The following RTL4 variants were observed in gnomAD, a reference collection of about 807,000 sequenced individuals.
RTL4 encodes retrotransposon Gag-like protein 4.
Under a neutral mutation model 5.3 loss-of-function variants are expected in RTL4, and 4 were observed. The ratio of observed to expected loss-of-function variants is 0.75; its 90% CI spans 0.37 to 1.72. RTL4 has a LOEUF of 1.72. Among genes scored for constraint, RTL4 ranks in the 40% most tolerant of loss-of-function variants. The pLI, the probability that RTL4 is intolerant of heterozygous loss-of-function variation, is 0.04. For missense variants in RTL4, 260 were observed against 227.1 expected (o/e 1.14, Z -0.93); for synonymous variants, 98 against 87.3 (o/e 1.12, Z -0.68).
exon 1 of RTL4, chrX:112,456,444 T>C (rs1219716080): frequency 1.3e-5 from 4 of 307,548 alleles, no homozygotes; most frequent in Non-Finnish European, 2.4e-5. Flanking sequence ...TTCCAACTTA[T>C]TCCTCTCTTC....
chrX:112,167,871 G>A, the RTL4 span, among the ~76,000 whole-genome samples: 77 of 107,796 alleles, frequency 7.1e-4, no homozygotes, highest in Non-Finnish European at 1.3e-3. Context: ...ATACAGAAAG[G>A]CCAAAAGAAA....
At chrX:112,247,292 C>G in the RTL4 span, among the ~76,000 whole-genome samples, 7 of 111,376 alleles carry the variant, frequency 6.3e-5, 1 homozygote, top group Admixed American at 1.9e-4. Flanking sequence ...ATAGTCATTC[C>G]CTATTCCCAT....
the RTL4 span, among the ~76,000 whole-genome samples, chrX:112,308,600 C>G: frequency 2.2e-4 from 25 of 111,666 alleles, no homozygotes; most frequent in African/African-American, 7.8e-4. Context: ...CCAGACATAT[C>G]TTTCTGGTCA....
the RTL4 span, among the ~76,000 whole-genome samples, chrX:112,224,519 T>C: frequency 9.2e-6 from 1 of 108,878 alleles, no homozygotes; most frequent in African/African-American, 3.3e-5. Flanking sequence ...TTTTTGTATT[T>C]TCAGTAGAGA....
chrX:112,298,034 G>C, the RTL4 span, among the ~76,000 whole-genome samples: 1 of 111,523 alleles, frequency 9.0e-6, no homozygotes, highest in Non-Finnish European at 1.9e-5. Flanking sequence ...TTGGCTGGCT[G>C]GTTGGGTAGA....
chrX:112,329,689 T>G, the RTL4 span, among the ~76,000 whole-genome samples: 10 of 110,789 alleles, frequency 9.0e-5, no homozygotes, highest in South Asian at 3.9e-4. Flanking sequence ...TACCAAAGCC[T>G]GGCAGAGACA....
chrX:112,359,122 T>A, the RTL4 span, among the ~76,000 whole-genome samples: 1 of 111,512 alleles, frequency 9.0e-6, no homozygotes, highest in Non-Finnish European at 1.9e-5. Flanking sequence ...ATATGTTTTT[T>A]AAAAAATCTA....
the RTL4 span, among the ~76,000 whole-genome samples, chrX:112,154,253 C>A: frequency 1.8e-5 from 2 of 111,382 alleles, no homozygotes; most frequent in Non-Finnish European, 3.8e-5. Flanking sequence ...TCCTTTAGTT[C>A]TCTATACCTG....
chrX:112,390,889 T>C, the RTL4 span, among the ~76,000 whole-genome samples: 42 of 112,553 alleles, frequency 3.7e-4, no homozygotes, highest in South Asian at 1.5e-3. Flanking sequence ...GAAGTTTTCA[T>C]GGACAATATC....
the RTL4 span, among the ~76,000 whole-genome samples, chrX:112,409,000 G>A: frequency 1.8e-5 from 2 of 112,341 alleles, no homozygotes; most frequent in African/African-American, 3.2e-5. Flanking sequence ...ATCAACACCA[G>A]ATATTACCTA....
the RTL4 span, among the ~76,000 whole-genome samples, chrX:112,330,472 G>T: frequency 9.0e-6 from 1 of 110,526 alleles, no homozygotes; most frequent in Non-Finnish European, 1.9e-5. Flanking sequence ...CCTCTTCAGG[G>T]AGAACTACAA....
chrX:112,187,858 A>G, the RTL4 span, among the ~76,000 whole-genome samples: 174 of 111,974 alleles, frequency 1.6e-3, no homozygotes, highest in African/African-American at 5.2e-3. Context: ...ATTTGAAACC[A>G]TAGAAAATGA....
chrX:112,385,505 A>G, the RTL4 span, among the ~76,000 whole-genome samples: 193 of 111,764 alleles, frequency 1.7e-3, no homozygotes, highest in African/African-American at 5.9e-3. Flanking sequence ...TCAAAAATCA[A>G]TTGACCATAT....
chrX:112,234,588 G>A, the RTL4 span, among the ~76,000 whole-genome samples: 5 of 111,882 alleles, frequency 4.5e-5, no homozygotes, highest in Non-Finnish European at 9.4e-5. Context: ...TTGTACTTGG[G>A]GCAAGGGCTG....
chrX:112,433,212 C>T, the RTL4 span, among the ~76,000 whole-genome samples: 2 of 110,899 alleles, frequency 1.8e-5, no homozygotes, highest in South Asian at 3.9e-4. Flanking sequence ...CTTGGCGATG[C>T]GGGCTGTTTT....
At chrX:112,440,486 T>G in the RTL4 span, among the ~76,000 whole-genome samples, 4 of 111,828 alleles carry the variant, frequency 3.6e-5, no homozygotes, top group Non-Finnish European at 7.5e-5. Flanking sequence ...ACATCACTCC[T>G]GATGGGTATA....
the RTL4 span, among the ~76,000 whole-genome samples, chrX:112,209,341 C>A: frequency 8.9e-6 from 1 of 111,974 alleles, no homozygotes; most frequent in Non-Finnish European, 1.9e-5. Context: ...CACATCTGGC[C>A]ATTTCTCCTT....
chrX:112,150,668 A>G, the RTL4 span, among the ~76,000 whole-genome samples: 2 of 111,893 alleles, frequency 1.8e-5, no homozygotes, highest in Non-Finnish European at 3.8e-5. Context: ...GCACCTATGG[A>G]CATATGCATG....
chrX:112,381,478 G>A, the RTL4 span: 2 of 1,203,115 alleles, frequency 1.7e-6, no homozygotes, highest in Admixed American at 2.2e-5. Context: ...ACCGAGAAAA[G>A]TTACTTGTCC....
Sources: gnomAD v4.1 joint callset for allele counts (sites outside exome capture counted in the v4.1 genomes callset) on GRCh38, gnomAD v4.1.1 for gene constraint, MANE v1.5 for transcripts, NCBI Gene and HGNC (gene_info 2026-07-23, HGNC 2026-07-21) for gene names.